GALNT5: variants seen among roughly 807,000 people sequenced by gnomAD.
GALNT5 encodes the protein polypeptide N-acetylgalactosaminyltransferase 5.
In GALNT5, 72 loss-of-function variants were observed where a neutral mutation model predicts 85.4. That is an observed-to-expected ratio of 0.84 (90% CI 0.70 to 1.03). The LOEUF is 1.03. GALNT5 is among the 50% of genes least tolerant of loss of function. The probability of loss-of-function intolerance (pLI) is 0.00; values close to 1 mark genes in which losing one functional copy is unlikely to be tolerated. For synonymous variants in GALNT5, 404 were observed against 397.0 expected, an observed-to-expected ratio of 1.02 and a Z score of -0.21; for missense variants, 1,137 against 1,135.5, an observed-to-expected ratio of 1.00 and a Z score of -0.02.
chr2:157,288,599 T>C (rs1341521337), intron 3 of GALNT5, among the ~76,000 whole-genome samples: 1 of 151,776 alleles, frequency 6.6e-6, no homozygotes, highest in Admixed American at 6.6e-5. Flanking sequence ...AAAGATTCAT[T>C]TGGGGAGAAA....
At chr2:157,291,525 C>G (rs902211904) in intron 3 of GALNT5, among the ~76,000 whole-genome samples, 3 of 152,106 alleles carry the variant, frequency 2.0e-5, no homozygotes, top group Admixed American at 2.0e-4. Flanking sequence ...CTAGCATTAA[C>G]TGGTACAGCA....
chr2:157,311,500 C>CA lies in GALNT5; in HGVS notation c.*156dup. ...TTATAAATCACAATATTTGGAATACCAAAAGATGACTCAGGAAAACAGTCC... is the reference window on the plus strand; with the variant it reads ...TTATAAATCACAATATTTGGAATACCAAAAAGATGACTCAGGAAAACAGTCC... On this transcript the variant is annotated 3_prime_UTR_variant, in exon 10 of 10. Transcript: ENST00000259056. 1 of 574,218 alleles carries CA rather than the reference C, an allele frequency of 1.7e-6. No homozygotes were observed. Among genetic ancestry groups the CA allele is most frequent in the Admixed American group, 3.7e-5 (1 of 26,720 alleles). 35.6% of individuals were successfully genotyped at this position (574,218 alleles called of 1,614,324 possible).
chr2:157,260,945 T>C (rs924678407), intron 1 of GALNT5, among the ~76,000 whole-genome samples: 1 of 152,238 alleles, frequency 6.6e-6, no homozygotes, highest in Non-Finnish European at 1.5e-5. Context: ...GGCCCTGGGA[T>C]GCTAGATTGC....
At chr2:157,275,211 A>G (rs1336912145) in intron 1 of GALNT5, among the ~76,000 whole-genome samples, 1 of 152,168 alleles carries the variant, frequency 6.6e-6, no homozygotes, top group Non-Finnish European at 1.5e-5. Flanking sequence ...TACCAGTACC[A>G]TGCTGTTTTG....
intron 1 of GALNT5, among the ~76,000 whole-genome samples, chr2:157,274,971 G>T (rs7608776): frequency 6.6e-6 from 1 of 152,140 alleles, no homozygotes; most frequent in Admixed American, 6.6e-5. Flanking sequence ...TAGGTCTAAC[G>T]TTTAAGTCTT....
chr2:157,304,525 A>G (rs995277928), intron 7 of GALNT5, among the ~76,000 whole-genome samples: 1 of 152,246 alleles, frequency 6.6e-6, no homozygotes, highest in Non-Finnish European at 1.5e-5. Context: ...GGGACAATCC[A>G]GCTTCCTTGT....
At chr2:157,304,445 A>G (rs1416987980) in intron 7 of GALNT5, among the ~76,000 whole-genome samples, 2 of 152,188 alleles carry the variant, frequency 1.3e-5, no homozygotes, top group East Asian at 3.9e-4. Context: ...GATGGTTCCT[A>G]TCCAAGGCAG....
At chr2:157,291,215 T>C (rs375843718) in intron 3 of GALNT5, among the ~76,000 whole-genome samples, 1 of 151,930 alleles carries the variant, frequency 6.6e-6, no homozygotes, top group Non-Finnish European at 1.5e-5. Flanking sequence ...CAGTAGAGAG[T>C]CAAAGTAAAT....
At position 157,257,991 on chromosome 2, in the gene GALNT5, T is replaced by TGCTGCTGCTGCTGCTGCA. The variant is rs1553460648; in HGVS notation, c.-75_-74insAGCTGCTGCTGCTGCTGC. On this transcript the variant is annotated 5_prime_UTR_variant, in exon 1 of 10. Transcript: ENST00000259056. ...GGGGGTCACTTTCTGGCAACTCTGC[T>TGCTGCTGCTGCTGCTGCA]GCTGCTGCTGCTGCTGCTGCTACTT... 1.4e-6 allele frequency: 2 copies of TGCTGCTGCTGCTGCTGCA among 1,397,192 alleles called. No individual in the cohort carries two copies. Among genetic ancestry groups the TGCTGCTGCTGCTGCTGCA allele is most frequent in the Admixed American group, 1.7e-5 (1 of 58,772 alleles). 86.5% of individuals were successfully genotyped at this position (1,397,192 alleles called of 1,614,324 possible). A position where few individuals can be genotyped will look rare whatever the true frequency, so the allele number is the denominator to read the frequency against.
At chr2:157,296,739 C>T (rs938182797) in intron 5 of GALNT5, among the ~76,000 whole-genome samples, 22 of 152,196 alleles carry the variant, frequency 1.4e-4, no homozygotes, top group African/African-American at 5.1e-4. Flanking sequence ...CAGAAAAATT[C>T]ACTAATGCTA....
rs763670213 is a variant in GALNT5 at position 157,259,341 on chromosome 2, C to T, written c.1259C>T (p.Thr420Met). The change falls in exon 1 of 10, where the codon ACG (threonine) becomes ATG (methionine). Residue 420 changes from threonine to methionine, a missense_variant. Transcript: ENST00000259056. ...GCCCTTTTACCTGAAGACAGTGGAA[C>T]GCACCAGGTGTTAAGAATTGATGTG... ...IKALLPEDSG[T>M]HQVLRIDVTL... 2.1e-5 allele frequency: 32 copies of T among 1,557,514 alleles called. 1 individual carries two copies. The highest frequency in any genetic ancestry group is 6.8e-5 in the East Asian group (3 of 44,150).
chr2:157,262,054 G>A lies in GALNT5; in HGVS notation c.1454+2518G>A, dbSNP rs908179256. Among the ~76,000 whole-genome samples, 238 of 152,220 alleles carry A rather than the reference G, an allele frequency of 1.6e-3. 1 individual carries two copies. Among genetic ancestry groups the A allele is most frequent in the African/African-American group, 5.4e-3 (226 of 41,536 alleles). ...GAGGGCTAGCTTAAAATTAGCTGGA[G>A]TAGCATCCTACTGCAACCTTTAAAT... On this transcript the variant is annotated intron_variant, in intron 1 of 9. Transcript: ENST00000259056.
Position 157,269,949 on chromosome 2 carries a change from A to G in GALNT5, c.1454+10413A>G, listed in dbSNP as rs373429824. Among the ~76,000 whole-genome samples, 10 of 152,026 alleles carry G rather than the reference A, an allele frequency of 6.6e-5. No homozygotes were observed. In the East Asian group the frequency reaches 1.4e-3, roughly 21 times the overall value. On this transcript the variant is annotated intron_variant, in intron 1 of 9. Transcript: ENST00000259056. ...TGTGTAATTGATCCTTTCTTTTCAG[A>G]ACTGATTTGATTTTTTTTTCAGCAC...
At chr2:157,267,846 A>T (rs1224833333) in intron 1 of GALNT5, among the ~76,000 whole-genome samples, 1 of 152,198 alleles carries the variant, frequency 6.6e-6, no homozygotes, top group Non-Finnish European at 1.5e-5. Context: ...ATTTTGACTG[A>T]ATGTCATGGA....
chr2:157,283,418 T>C (rs1682897738), intron 1 of GALNT5, among the ~76,000 whole-genome samples: 1 of 152,128 alleles, frequency 6.6e-6, no homozygotes, highest in Non-Finnish European at 1.5e-5. Context: ...CTGCAGGGCA[T>C]GGGAAAAAAC....
chr2:157,258,915 T>C lies in GALNT5; in HGVS notation c.833T>C (p.Phe278Ser). The part of the protein sequence containing the change: ...NKHKANTSLP[F>S]PKFTVNSNRL... ...CACAAAGCCAATACGAGTCTTCCTT[T>C]TCCTAAGTTCACTGTCAATTCAAAT... Residue 278 changes from phenylalanine to serine, a missense_variant, in exon 1 of 10, where the codon TTT becomes TCT. Phe to Ser is a radical substitution (Grantham distance 155, BLOSUM62 -2). Transcript: ENST00000259056. The C allele has an allele frequency of 6.4e-7, 1 of 1,553,208 alleles. No homozygotes were observed. The highest frequency in any genetic ancestry group is 8.7e-7 in the Non-Finnish European group (1 of 1,154,214).
chr2:157,303,969 T>G (rs1158611809), intron 7 of GALNT5, among the ~76,000 whole-genome samples: 1 of 152,190 alleles, frequency 6.6e-6, no homozygotes, highest in African/African-American at 2.4e-5. Context: ...CCCTGAAGAT[T>G]TTGAGAAGTT....
At chr2:157,264,840 A>AG (rs959331889) in intron 1 of GALNT5, among the ~76,000 whole-genome samples, 235 of 152,300 alleles carry the variant, frequency 1.5e-3, no homozygotes, top group African/African-American at 5.4e-3. Context: ...TCAGGCTGAG[A>AG]GAAAAAAAGA....
intron 8 of GALNT5, 78 bp downstream of exon 8, chr2:157,305,907 CA>C (rs2105168337): frequency 2.5e-6 from 2 of 787,018 alleles, no homozygotes; most frequent in Non-Finnish European, 2.2e-6. Context: ...CTGAGAAATT[CA>C]TCTTTGCCCA....
Sources: allele counts gnomAD v4.1 joint callset (sites outside exome capture counted in the v4.1 genomes callset), GRCh38; gene constraint gnomAD v4.1.1; transcripts MANE v1.5; gene names NCBI Gene and HGNC (gene_info 2026-07-23, HGNC 2026-07-21).